Variants in BACH2 observed in about 807,000 individuals in gnomAD.
BACH2 encodes the protein BACH transcriptional regulator 2, also known as transcription regulator protein BACH2.
BACH2 carries 5 observed loss-of-function variants against 61.8 expected under a neutral mutation model. The ratio of observed to expected loss-of-function variants is 0.08; its 90% confidence interval spans 0.04 to 0.17. The LOEUF (loss-of-function observed/expected upper bound fraction) is 0.17. Ranked by LOEUF, BACH2 falls within the 10% of genes least tolerant of loss-of-function variation. BACH2 has a pLI of 1.00. For synonymous variants in BACH2, 446 were observed against 440.1 expected (o/e 1.01, Z -0.17); for missense variants, 824 against 1,091.1 (o/e 0.76, Z 3.45).
intron 4 of BACH2, among the ~76,000 whole-genome samples, chr6:90,187,369 G>A (rs1245075253): frequency 1.3e-5 from 2 of 152,170 alleles, no homozygotes; most frequent in African/African-American, 2.4e-5. Flanking sequence ...TATGGTACAC[G>A]AATATACTTA....
chr6:89,933,999 A>T (rs894420125), intron 8 of BACH2, among the ~76,000 whole-genome samples: 1 of 151,580 alleles, frequency 6.6e-6, no homozygotes, highest in Non-Finnish European at 1.5e-5. Context: ...ACCAAAAAAA[A>T]GTTTATTAAA....
At chr6:90,290,880 G>C (rs1300909758) in intron 1 of BACH2, among the ~76,000 whole-genome samples, 2 of 152,170 alleles carry the variant, frequency 1.3e-5, no homozygotes, top group Non-Finnish European at 2.9e-5. Flanking sequence ...CTACATGCCA[G>C]CTACAGGCTC....
chr6:90,193,843 T>G lies in BACH2; in HGVS notation c.-162+12726A>C, dbSNP rs1264478707. Among the ~76,000 whole-genome samples the G allele has an allele frequency of 1.1e-4, 17 of 152,338 alleles. 1 individual carries two copies. The East Asian group carries it at 3.3e-3, about 29-fold the overall frequency. On this transcript the variant is annotated intron_variant, in intron 4 of 8. Coordinates refer to ENST00000257749, the MANE Select transcript of BACH2 (RefSeq NM_021813.4). ...TTTTACATGAAAACAAACATGGACC[T>G]ATCACATATCACAGGGAACAATCCA...
At chr6:90,058,058 G>T (rs184154561) in intron 5 of BACH2, among the ~76,000 whole-genome samples, 1 of 152,284 alleles carries the variant, frequency 6.6e-6, no homozygotes, top group African/African-American at 2.4e-5. Flanking sequence ...TTTGAAAACT[G>T]GCACAAGACA....
chr6:90,028,238 A>G (rs1382418051), intron 5 of BACH2, among the ~76,000 whole-genome samples: 1 of 152,230 alleles, frequency 6.6e-6, no homozygotes, highest in Non-Finnish European at 1.5e-5. Flanking sequence ...CTAATCCTAC[A>G]CATAATTATA....
chr6:90,125,398 TA>T (rs1783802966), intron 4 of BACH2, among the ~76,000 whole-genome samples: 1 of 152,202 alleles, frequency 6.6e-6, no homozygotes, highest in Admixed American at 6.5e-5. Context: ...ATTTCCATTT[TA>T]AAAACCTTCT....
At chr6:90,030,348 G>C (rs1778900494) in intron 5 of BACH2, among the ~76,000 whole-genome samples, 1 of 152,116 alleles carries the variant, frequency 6.6e-6, no homozygotes, top group Non-Finnish European at 1.5e-5. Flanking sequence ...CGTGGCTCTG[G>C]AAGGCCTGGG....
intron 4 of BACH2, among the ~76,000 whole-genome samples, chr6:90,189,863 T>C (rs1304356396): frequency 6.6e-6 from 1 of 152,212 alleles, no homozygotes; most frequent in Non-Finnish European, 1.5e-5. Flanking sequence ...AAACAGAGAC[T>C]ATGGCAGTGA....
At chr6:90,022,927 C>T (rs1363035163) in intron 5 of BACH2, among the ~76,000 whole-genome samples, 1 of 152,122 alleles carries the variant, frequency 6.6e-6, no homozygotes, top group East Asian at 1.9e-4. Flanking sequence ...AGAGTGTTCA[C>T]AGAATTGTTC....
In BACH2 at chr6:90,092,315, T is replaced by TATATATACAC. The variant is rs142761642; in HGVS notation, c.-161-3207_-161-3206insGTGTATATAT. 5.0e-3 allele frequency among the ~76,000 whole-genome samples: 562 copies of TATATATACAC among 112,146 alleles called. 5 individuals are homozygous for TATATATACAC. The highest frequency in any genetic ancestry group is 0.012 in the East Asian group (17 of 1,450). The allele number at this position is 112,146 out of a possible 152,430, so 73.6% of individuals were successfully genotyped here. A position where few individuals can be genotyped will look rare whatever the true frequency, so the allele number is the denominator to read the frequency against. ...AAATATATATATATATATATATATATACACACACACACATTGCATCACTTG... is the reference window on the plus strand; with the variant it reads ...AAATATATATATATATATATATATATATATATACACACACACACACACATTGCATCACTTG... On this transcript the variant is annotated intron_variant, in intron 4 of 8. Transcript: ENST00000257749.
chr6:90,057,344 C>T (rs555668555), intron 5 of BACH2, among the ~76,000 whole-genome samples: 33 of 152,276 alleles, frequency 2.2e-4, no homozygotes, highest in African/African-American at 7.9e-4. Context: ...ATGATAAACA[C>T]CTCTACGCAA....
At chr6:90,013,179 G>A (rs190730498) in intron 5 of BACH2, among the ~76,000 whole-genome samples, 10 of 151,914 alleles carry the variant, frequency 6.6e-5, no homozygotes, top group South Asian at 2.1e-4. Context: ...TAGATTCCAC[G>A]GTATTTTCTA....
intron 4 of BACH2, among the ~76,000 whole-genome samples, chr6:90,186,575 C>G (rs1266953757): frequency 6.6e-6 from 1 of 152,088 alleles, no homozygotes; most frequent in Non-Finnish European, 1.5e-5. Flanking sequence ...TAAGTCTGTT[C>G]CTTTCAAGGT....
At chr6:90,161,920 C>T (rs1045435667) in intron 4 of BACH2, among the ~76,000 whole-genome samples, 2 of 152,182 alleles carry the variant, frequency 1.3e-5, no homozygotes, top group African/African-American at 4.8e-5. Flanking sequence ...AGCGGAACCT[C>T]TGGCCGATGA....
At chr6:90,256,915 G>C (rs901485505) in intron 2 of BACH2, among the ~76,000 whole-genome samples, 1 of 152,114 alleles carries the variant, frequency 6.6e-6, no homozygotes, top group Non-Finnish European at 1.5e-5. Flanking sequence ...AACCACTGTT[G>C]TATTCTCTCT....
intron 4 of BACH2, among the ~76,000 whole-genome samples, chr6:90,160,239 C>G (rs1047399789): frequency 2.6e-5 from 4 of 152,182 alleles, no homozygotes; most frequent in African/African-American, 9.7e-5. Flanking sequence ...ACACAAAGGA[C>G]AGTCAGCACT....
chr6:90,053,832 A>G (rs975006134), intron 5 of BACH2, among the ~76,000 whole-genome samples: 1 of 152,176 alleles, frequency 6.6e-6, no homozygotes, highest in African/African-American at 2.4e-5. Flanking sequence ...TGTTTTCCCT[A>G]TGGCTCCTTT....
chr6:90,080,802 A>T (rs1582325972), intron 5 of BACH2: 1 of 984,826 alleles, frequency 1.0e-6, no homozygotes, highest in South Asian at 4.7e-5. Context: ...ATGTTCTTTC[A>T]TCGTCTGGTA....
chr6:90,253,086 A>C (rs999118161), intron 2 of BACH2, among the ~76,000 whole-genome samples: 1 of 152,214 alleles, frequency 6.6e-6, no homozygotes, highest in African/African-American at 2.4e-5. Context: ...TCTACAAGAC[A>C]TACACAAATT....
Sources: allele counts gnomAD v4.1 joint callset (sites outside exome capture counted in the v4.1 genomes callset), GRCh38; gene constraint gnomAD v4.1.1; transcripts MANE v1.5; gene names NCBI Gene and HGNC (gene_info 2026-07-23, HGNC 2026-07-21).